Variants in ZNF670 observed in about 807,000 individuals in gnomAD.
ZNF670 encodes the protein zinc finger protein 670.
Under a neutral mutation model 10.9 loss-of-function variants are expected in ZNF670, and 7 were observed. That is an observed-to-expected ratio of 0.64 (90% CI 0.36 to 1.20). The LOEUF is 1.20. ZNF670 is among the 50% of genes most tolerant of loss of function. The probability of loss-of-function intolerance (pLI) is 0.02; values close to 1 mark genes in which losing one functional copy is unlikely to be tolerated. For missense variants in ZNF670, 446 were observed against 458.6 expected (o/e 0.97, Z 0.25); for synonymous variants, 136 against 152.7 (o/e 0.89, Z 0.81).
chr1:247,045,921 C>G (rs1181598211), intron 1 of ZNF670, among the ~76,000 whole-genome samples: 1 of 152,122 alleles, frequency 6.6e-6, no homozygotes, highest in East Asian at 1.9e-4. Context: ...TGAGCTTGAG[C>G]AAAGGTCACC....
At chr1:247,070,578 T>C (rs1671091537) in intron 1 of ZNF670, among the ~76,000 whole-genome samples, 1 of 152,160 alleles carries the variant, frequency 6.6e-6, no homozygotes, top group Non-Finnish European at 1.5e-5. Flanking sequence ...CCTTGGTAAA[T>C]ATTTCATGAC....
intron 1 of ZNF670, among the ~76,000 whole-genome samples, chr1:247,076,417 C>T (rs1045816651): frequency 6.6e-6 from 1 of 150,900 alleles, no homozygotes. Context: ...CCACCATGCC[C>T]GGCTAATTTT....
At chr1:247,066,209 C>T (rs12135986) in intron 1 of ZNF670, among the ~76,000 whole-genome samples, 14,649 of 152,192 alleles carry the variant, frequency 0.096, 830 homozygotes, top group South Asian at 0.19. Flanking sequence ...GACAGTGGAC[C>T]GAGAAAGGAT....
At chr1:247,054,660 G>T (rs948007577) in intron 1 of ZNF670, among the ~76,000 whole-genome samples, 9 of 152,182 alleles carry the variant, frequency 5.9e-5, no homozygotes, top group African/African-American at 1.9e-4. Context: ...TTGATATACA[G>T]GCAGTAAGCC....
At position 247,038,664 on chromosome 1, in the gene ZNF670, A is replaced by G. The variant is rs551368529; in HGVS notation, c.191+146T>C. 1.3e-3 allele frequency: 949 copies of G among 716,592 alleles called. 4 individuals are homozygous for G. The highest frequency in any genetic ancestry group is 1.3e-3 in the Non-Finnish European group (572 of 440,646). The allele number at this position is 716,592 out of a possible 1,614,324, so 44.4% of individuals were successfully genotyped here. On this transcript the variant is annotated intron_variant, in intron 3 of 3. Transcript: ENST00000366503. ...AATATTCTGAAAATATTGAACATCA[A>G]TGTTACATTCAGGTGTATTTTTTGC... is the stretch of plus-strand genomic sequence containing the variant.
At chr1:247,050,782 T>C (rs55805621) in intron 1 of ZNF670, among the ~76,000 whole-genome samples, 35,312 of 152,010 alleles carry the variant, frequency 0.23, 4,606 homozygotes, top group Middle Eastern at 0.36. Flanking sequence ...TGGTGAATTC[T>C]TATCCATTCT....
chr1:247,038,552 T>C, intron 3 of ZNF670, 125 bp from the exon 4 acceptor site: 1 of 959,830 alleles, frequency 1.0e-6, no homozygotes, highest in Admixed American at 2.8e-5. Flanking sequence ...TTAATTACTG[T>C]AAGATATGGG....
intron 3 of ZNF670, 106 bp from the exon 4 acceptor site, chr1:247,038,533 G>C (rs771660120): frequency 5.4e-5 from 66 of 1,213,442 alleles, no homozygotes; most frequent in Non-Finnish European, 6.9e-5. Context: ...TTGTTTTAAA[G>C]TAAATAAATT....
In ZNF670 at chr1:247,037,966, G is replaced by A. The variant is rs1262463517; in HGVS notation, c.653C>T (p.Thr218Ile). The A allele has an allele frequency of 1.9e-6, 3 of 1,613,264 alleles. No individual in the cohort carries two copies. Among genetic ancestry groups the A allele is most frequent in the Admixed American group, 1.7e-5 (1 of 59,850 alleles). ...YSSYLREHER[T>I]HTGEKPYACK... ...TGCATAGGGTTTCTCTCCAGTATGAGTTCTTTCATGTTCACGAAGATAACT... is the reference window on the plus strand; with the variant it reads ...TGCATAGGGTTTCTCTCCAGTATGAATTCTTTCATGTTCACGAAGATAACT... Residue 218 changes from threonine to isoleucine, a missense_variant, in exon 4 of 4, where the codon ACT becomes ATT. Thr to Ile is a moderately conservative substitution (Grantham distance 89). Coordinates refer to ENST00000366503, the MANE Select transcript of ZNF670 (RefSeq NM_033213.5).
At chr1:247,043,840 C>A in intron 1 of ZNF670, 1 of 344,240 alleles carries the variant, frequency 2.9e-6, no homozygotes, top group Non-Finnish European at 5.6e-6. Context: ...CTGCCATGAA[C>A]TGGATGCCAT....
intron 1 of ZNF670, among the ~76,000 whole-genome samples, chr1:247,042,603 A>C (rs767360338): frequency 6.6e-6 from 1 of 152,230 alleles, no homozygotes; most frequent in Non-Finnish European, 1.5e-5. Flanking sequence ...CAAAACCCAG[A>C]GAGAGCACCC....
At position 247,051,990 on chromosome 1, in the gene ZNF670, A is replaced by AT. The variant is rs146107156; in HGVS notation, c.4-12454dup. 8.5e-3 allele frequency among the ~76,000 whole-genome samples: 1,096 copies of AT among 128,244 alleles called. 9 individuals carry two copies. The highest frequency in any genetic ancestry group is 0.022 in the African/African-American group (770 of 34,902). The allele number at this position is 128,244 out of a possible 152,430, so 84.1% of individuals were successfully genotyped here. On this transcript the variant is annotated intron_variant, in intron 1 of 3. Transcript: ENST00000366503. ...GGAGATTTTTTCGTCCATGTCCTGT[A>AT]TTTTTTTTTTTTTTTTGTAATTCCC...
chr1:247,037,611 A>C lies in ZNF670; in HGVS notation c.1008T>G (p.Pro336=). The C allele has an allele frequency of 3.1e-6, 5 of 1,613,750 alleles. No homozygotes were observed. The highest frequency in any genetic ancestry group is 4.2e-6 in the Non-Finnish European group (5 of 1,179,952). ...ACTTACCACATTCCTTACATCCATA[A>C]GGTTTCACTCCAGTGTGAGTTCTTT... The part of the protein sequence containing the change: ...EHERTHTGVK[P]YGCKECGKSF... The change falls in exon 4 of 4, where the codon CCT becomes CCG. Residue 336 remains proline, a synonymous_variant. Transcript: ENST00000366503.
chr1:247,058,796 T>G (rs555038687), intron 1 of ZNF670, among the ~76,000 whole-genome samples: 1 of 151,738 alleles, frequency 6.6e-6, no homozygotes, highest in Admixed American at 6.6e-5. Flanking sequence ...ACCAATCCTT[T>G]GAAAAAACCT....
chr1:247,051,656 A>C (rs1360224492), intron 1 of ZNF670, among the ~76,000 whole-genome samples: 6 of 152,182 alleles, frequency 3.9e-5, no homozygotes, highest in Non-Finnish European at 1.5e-5. Context: ...GGATGTCTAG[A>C]TCTCTAGCAA....
chr1:247,063,736 G>A (rs1401658872), intron 1 of ZNF670, among the ~76,000 whole-genome samples: 1 of 152,080 alleles, frequency 6.6e-6, no homozygotes, highest in African/African-American at 2.4e-5. Context: ...GGAGAAAGGA[G>A]AACCAGTGAC....
chr1:247,038,730 G>C (rs10924897), intron 3 of ZNF670, 80 bp downstream of exon 3: 16 of 1,285,156 alleles, frequency 1.2e-5, no homozygotes, highest in Non-Finnish European at 1.8e-5. Flanking sequence ...GTGGTTCTTA[G>C]TTGTTTTGTC....
At chr1:247,073,735 C>G (rs1198090026) in intron 1 of ZNF670, among the ~76,000 whole-genome samples, 1 of 152,160 alleles carries the variant, frequency 6.6e-6, no homozygotes, top group Non-Finnish European at 1.5e-5. Flanking sequence ...ACACATACCC[C>G]ATAAGCTCAC....
intron 1 of ZNF670, among the ~76,000 whole-genome samples, chr1:247,058,104 T>C (rs1483045774): frequency 6.6e-6 from 1 of 152,176 alleles, no homozygotes; most frequent in Non-Finnish European, 1.5e-5. Context: ...ATGTAACTCA[T>C]AAATATATAC....
Sources: gnomAD v4.1 joint callset for allele counts (sites outside exome capture counted in the v4.1 genomes callset) on GRCh38, gnomAD v4.1.1 for gene constraint, MANE v1.5 for transcripts, NCBI Gene and HGNC (gene_info 2026-07-23, HGNC 2026-07-21) for gene names.